AMIGO2: variants seen among roughly 807,000 people sequenced by gnomAD.
The protein encoded by AMIGO2 is adhesion molecule with Ig like domain 2, also known as amphoterin-induced protein 2.
A neutral mutation model predicts 23.7 loss-of-function variants in AMIGO2; 15 were observed. The ratio of observed to expected loss-of-function variants is 0.63; its 90% CI spans 0.42 to 0.98. The LOEUF is 0.98. Among genes scored for constraint, AMIGO2 ranks in the 50% least tolerant of loss-of-function variants. The pLI is 0.00. For synonymous variants in AMIGO2, 264 were observed against 252.3 expected (o/e 1.05, Z -0.44); for missense variants, 561 against 633.1 (o/e 0.89, Z 1.22).
intron 2 of AMIGO2, 26 bp downstream of exon 2, chr12:47,079,116 C>T: frequency 2.1e-6 from 3 of 1,435,818 alleles, no homozygotes; most frequent in Admixed American, 2.4e-5. Context: ...AACTGACTAC[C>T]ACTAGTTAAC....
In AMIGO2 at chr12:47,077,638, A is replaced by G. The variant is rs775568966; in HGVS notation, c.1365T>C (p.Ala455=). 6 of 1,614,068 alleles carry G rather than the reference A, an allele frequency of 3.7e-6. No individual in the cohort carries two copies. ...TACCTGCACCTGCCTTCCGTTCATCAGCGGAGGCATCACTAGCGGGGCCAG... is the reference window on the plus strand; with the variant it reads ...TACCTGCACCTGCCTTCCGTTCATCGGCGGAGGCATCACTAGCGGGGCCAG... ...LSPGPASDAS[A]DERKAGAGKR... is the part of the protein sequence containing the mutation. Residue 455 remains alanine, a synonymous_variant, in exon 3 of 3, where the codon GCT becomes GCC. Transcript: ENST00000550413.
chr12:47,077,824 A>G lies in AMIGO2; in HGVS notation c.1179T>C (p.His393=). 1.2e-6 allele frequency: 2 copies of G among 1,614,226 alleles called. No homozygotes were observed. Among genetic ancestry groups the G allele is most frequent in the South Asian group, 1.1e-5 (1 of 91,076 alleles). The change falls in exon 3 of 3, where the codon CAT becomes CAC. Residue 393 remains histidine (H), a synonymous_variant. Transcript: ENST00000550413. ...SNFTVSRSHA[H]EAFNTAFTTL... is the part of the protein sequence containing the mutation. ...TGGTAAAAGCTGTGTTAAATGCCTC[A>G]TGAGCATGGGATCTGCTTACAGTGA...
In AMIGO2 at chr12:47,077,194, G is replaced by A. The variant is rs748664494; in HGVS notation, c.*240C>T. On this transcript the variant is annotated 3_prime_UTR_variant, in exon 3 of 3. Transcript: ENST00000550413. Reference sequence around the variant, plus strand: ...GGCCTACTCTGAAATTACCAATAGTGCTAAAAGCTAAGATATTGTGATCTA... The same window carrying A: ...GGCCTACTCTGAAATTACCAATAGTACTAAAAGCTAAGATATTGTGATCTA... 7 of 509,744 alleles carry A rather than the reference G, an allele frequency of 1.4e-5. No individual in the cohort carries two copies. Among genetic ancestry groups the A allele is most frequent in the Non-Finnish European group, 2.4e-5 (7 of 295,722 alleles). The allele number at this position is 509,744 out of a possible 1,614,324, so 31.6% of individuals were successfully genotyped here. A position where few individuals can be genotyped will look rare whatever the true frequency, so the allele number is the denominator to read the frequency against.
Position 47,078,189 on chromosome 12 carries a change from C to T in AMIGO2, c.814G>A (p.Val272Ile). The T allele has an allele frequency of 6.2e-7, 1 of 1,614,178 alleles. No individual in the cohort carries two copies. Among genetic ancestry groups the T allele is most frequent in the Non-Finnish European group, 8.5e-7 (1 of 1,180,044 alleles). Residue 272 changes from valine (V) to isoleucine (I), a missense_variant, in exon 3 of 3, where the codon GTA (valine) becomes ATA (isoleucine). Transcript: ENST00000550413. The stretch of plus-strand genomic sequence containing the variant: ...ATAAAGCTATCCTGGAGCAGAAGTA[C>T]CTGACGCGAGTGCCTGGAGTCAGAC... The part of the protein sequence containing the change: ...LWSDSRHSRQ[V>I]LLLQDSFMNC...
At position 47,077,297 on chromosome 12, in the gene AMIGO2, A is replaced by T; in HGVS notation, c.*137T>A. Reference sequence around the variant, plus strand: ...GAAGTACTTTACCTCATTTCCTACCAATCATTTTAAGAGAATTTGGTTGTA... The same window carrying T: ...GAAGTACTTTACCTCATTTCCTACCTATCATTTTAAGAGAATTTGGTTGTA... On this transcript the variant is annotated 3_prime_UTR_variant, in exon 3 of 3. Coordinates refer to ENST00000550413, the MANE Select transcript of AMIGO2 (RefSeq NM_001370299.1). 8.1e-7 allele frequency: 1 copy of T among 1,238,348 alleles called. No individual in the cohort carries two copies. Among genetic ancestry groups the T allele is most frequent in the Non-Finnish European group, 1.1e-6 (1 of 918,552 alleles). The allele number at this position is 1,238,348 out of a possible 1,614,324, so 76.7% of individuals were successfully genotyped here.
chr12:47,079,341 C>CGTTGTTGTT (rs140523365), intron 1 of AMIGO2, 93 bp from the exon 2 acceptor site: 1 of 201,980 alleles, frequency 5.0e-6, no homozygotes, highest in Non-Finnish European at 9.8e-6. Context: ...GTGCATCCTG[C>CGTTGTTGTT]GTTGTTGTTG....
rs1160761348 is a variant in AMIGO2, at chr12:47,078,303, A to C, written c.700T>G (p.Cys234Gly). The C allele has an allele frequency of 6.2e-7, 1 of 1,614,066 alleles. No homozygotes were observed. Among genetic ancestry groups the C allele is most frequent in the Admixed American group, 1.7e-5 (1 of 60,034 alleles). Reference sequence around the variant, plus strand: ...AAGACCAGCAAGGAGTACAGGGAACAGTCACAGACAAATGGGTTTCCATGA... The same window carrying C: ...AAGACCAGCAAGGAGTACAGGGAACCGTCACAGACAAATGGGTTTCCATGA... The part of the protein sequence containing the change: ...YLHGNPFVCD[C>G]SLYSLLVFWY... Residue 234 changes from cysteine (C) to glycine (G), a missense_variant, in exon 3 of 3, where the codon TGT (cysteine) becomes GGT (glycine). Cys to Gly is a radical substitution (Grantham distance 159). Transcript: ENST00000550413.
At position 47,077,623 on chromosome 12, in the gene AMIGO2, T is replaced by C. The variant is rs201102042; in HGVS notation, c.1380A>G (p.Ala460=). Residue 460 remains alanine (A), a synonymous_variant, in exon 3 of 3, where the codon GCA becomes GCG. Coordinates refer to ENST00000550413, the MANE Select transcript of AMIGO2 (RefSeq NM_001370299.1). ...AAAACACCACTCTTTTACCTGCACC[T>C]GCCTTCCGTTCATCAGCGGAGGCAT... ...ASDASADERK[A]GAGKRVVFLE... is the part of the protein sequence containing the mutation. 2.3e-4 allele frequency: 371 copies of C among 1,614,250 alleles called. No homozygotes were observed. The highest frequency in any genetic ancestry group is 2.9e-4 in the Non-Finnish European group (341 of 1,180,036).
chr12:47,077,836 T>A lies in AMIGO2; in HGVS notation c.1167A>T (p.Arg389Ser), dbSNP rs1319052887. ...TGTTAAATGCCTCATGAGCATGGGA[T>A]CTGCTTACAGTGAAATTGCTCACAT... is the stretch of plus-strand genomic sequence containing the variant. The part of the protein sequence containing the change: ...TINVSNFTVS[R>S]SHAHEAFNTA... Residue 389 changes from arginine (R) to serine (S), a missense_variant, in exon 3 of 3, where the codon AGA becomes AGT. Transcript: ENST00000550413. 6.2e-7 allele frequency: 1 copy of A among 1,614,218 alleles called. No homozygotes were observed. The highest frequency in any genetic ancestry group is 2.2e-5 in the East Asian group (1 of 44,894).
At chr12:47,076,393 T>C (rs906822468), downstream of AMIGO2, 2 of 150,724 alleles carry the variant, frequency 1.3e-5, no homozygotes, top group African/African-American at 4.9e-5. Context: ...TATAAATTGA[T>C]CTAGAACACA....
rs1355916052 is a variant in AMIGO2 at position 47,078,867 on chromosome 12, T to C, written c.136A>G (p.Ile46Val). 2 of 1,614,212 alleles carry C rather than the reference T, an allele frequency of 1.2e-6. No individual in the cohort carries two copies. Among genetic ancestry groups the C allele is most frequent in the East Asian group, 2.2e-5 (1 of 44,880 alleles). ...GASGVCPTAC[I>V]CATDIVSCTN... ...CAGCTGACGATGTCAGTGGCACAGA[T>C]GCAAGCGGTGGGGCACACCCCAGAG... The change falls in exon 3 of 3, where the codon ATC (isoleucine) becomes GTC (valine). Residue 46 changes from isoleucine (I) to valine (V), a missense_variant. Transcript: ENST00000550413.
rs571261096 is a variant in AMIGO2, at chr12:47,079,454, A to T, written c.-171+8T>A. ...ACTTAGCAACCACCCATCCAGGAAA[A>T]AACTCACGGTGCTGGGGAGCCTCGT... On this transcript the variant is annotated splice_region_variant and intron_variant, in intron 1 of 2. Transcript: ENST00000550413. 6.5e-6 allele frequency: 1 copy of T among 153,870 alleles called. No individual in the cohort carries two copies. Among genetic ancestry groups the T allele is most frequent in the South Asian group, 2.0e-4 (1 of 4,898 alleles). 9.5% of individuals were successfully genotyped at this position (153,870 alleles called of 1,614,324 possible).
Position 47,077,263 on chromosome 12 carries a change from T to G in AMIGO2, c.*171A>C. ...ACAACCCCATCTTTCTATGGCACAT[T>G]GAGGAACTGAAGTACTTTACCTCAT... On this transcript the variant is annotated 3_prime_UTR_variant, in exon 3 of 3. Transcript: ENST00000550413. 1 of 918,988 alleles carries G rather than the reference T, an allele frequency of 1.1e-6. No homozygotes were observed. The highest frequency in any genetic ancestry group is 1.6e-6 in the Non-Finnish European group (1 of 639,018). 56.9% of individuals were successfully genotyped at this position (918,988 alleles called of 1,614,324 possible).
rs755896518 is a variant in AMIGO2, at chr12:47,077,479, T to C, written c.1524A>G (p.Ser508=). The change falls in exon 3 of 3, where the codon TCA becomes TCG. Residue 508 remains serine (S), a synonymous_variant. Transcript: ENST00000550413. ...GTGTGTCAGAAAACACTGAATTGAC[T>C]GAATCTGAGTCAGATTTCCCCCTCG... ...KSTRGKSDSD[S]VNSVFSDTPF... 1 of 1,614,160 alleles carries C rather than the reference T, an allele frequency of 6.2e-7. No homozygotes were observed. Among genetic ancestry groups the C allele is most frequent in the Non-Finnish European group, 8.5e-7 (1 of 1,180,008 alleles).
In AMIGO2 at chr12:47,078,498, T is replaced by C; in HGVS notation, c.505A>G (p.Lys169Glu). The change falls in exon 3 of 3, where the codon AAA (lysine) becomes GAA (glutamate). Residue 169 changes from lysine to glutamate, a missense_variant. By Grantham distance (56) the Lys-to-Glu change is moderately conservative. Coordinates refer to ENST00000550413, the MANE Select transcript of AMIGO2 (RefSeq NM_001370299.1). ...AGAAAATTTCCACTTAAGTAGAGTTTCTGCAACTGGGAGAGCCCTCCAAAC... is the reference window on the plus strand; with the variant it reads ...AGAAAATTTCCACTTAAGTAGAGTTCCTGCAACTGGGAGAGCCCTCCAAAC... ...SAFGGLSQLQ[K>E]LYLSGNFLTQ... is the part of the protein sequence containing the mutation. The C allele has an allele frequency of 6.2e-7, 1 of 1,614,248 alleles. No individual in the cohort carries two copies.
At position 47,078,950 on chromosome 12, in the gene AMIGO2, G is replaced by A. The variant is rs1410187018; in HGVS notation, c.53C>T (p.Pro18Leu). ...CAAACACAGCAGCTCCCTGCAGCCC[G>A]GTCTGACGACGGCTCCAAGCAGGGT... ...LPTLLGAVVRPGCRELLCLLM... is the reference protein window; with the variant it reads ...LPTLLGAVVRLGCRELLCLLM... Residue 18 changes from proline to leucine, a missense_variant, in exon 3 of 3, where the codon CCG becomes CTG. Coordinates refer to ENST00000550413, the MANE Select transcript of AMIGO2 (RefSeq NM_001370299.1). 3 of 1,613,858 alleles carry A rather than the reference G, an allele frequency of 1.9e-6. No individual in the cohort carries two copies. The highest frequency in any genetic ancestry group is 2.5e-6 in the Non-Finnish European group (3 of 1,179,846).
In AMIGO2 at chr12:47,079,234, T is replaced by C. The variant is rs1421103238; in HGVS notation, c.-156A>G. The C allele has an allele frequency of 3.9e-6, 2 of 509,190 alleles. No homozygotes were observed. The highest frequency in any genetic ancestry group is 6.6e-6 in the Non-Finnish European group (2 of 301,450). The allele number at this position is 509,190 out of a possible 1,614,324, so 31.5% of individuals were successfully genotyped here. A position where few individuals can be genotyped will look rare whatever the true frequency, so the allele number is the denominator to read the frequency against. ...TCACTGTTAAATGTATTTTTTCCTC[T>C]TTCCTGGGTTAGTCCTGCTTATAAA... is the stretch of plus-strand genomic sequence containing the variant. On this transcript the variant is annotated 5_prime_UTR_variant, in exon 2 of 3. Coordinates refer to ENST00000550413, the MANE Select transcript of AMIGO2 (RefSeq NM_001370299.1).
Position 47,076,564 on chromosome 12 carries a change from GA to G in AMIGO2, c.*869del, listed in dbSNP as rs1392191694. The G allele has an allele frequency of 1.3e-5, 2 of 152,582 alleles. No individual in the cohort carries two copies. Among genetic ancestry groups the G allele is most frequent in the African/African-American group, 4.8e-5 (2 of 41,432 alleles). 9.5% of individuals were successfully genotyped at this position (152,582 alleles called of 1,614,324 possible). ...AAATAAAACAAAATATCAAGTCACA[GA>G]TTACATATATTTACATTAATTCAAA... is the stretch of plus-strand genomic sequence containing the variant. On this transcript the variant is annotated 3_prime_UTR_variant, in exon 3 of 3. Transcript: ENST00000550413.
chr12:47,077,656 G>C lies in AMIGO2; in HGVS notation c.1347C>G (p.Pro449=). The change falls in exon 3 of 3, where the codon CCC becomes CCG. Residue 449 remains proline, a synonymous_variant. Coordinates refer to ENST00000550413, the MANE Select transcript of AMIGO2 (RefSeq NM_001370299.1). ...NAHSSILSPG[P]ASDASADERK... is the part of the protein sequence containing the mutation. ...GTTCATCAGCGGAGGCATCACTAGCGGGGCCAGGACTGAGAATCGATGAAT... is the reference window on the plus strand; with the variant it reads ...GTTCATCAGCGGAGGCATCACTAGCCGGGCCAGGACTGAGAATCGATGAAT... The C allele has an allele frequency of 1.2e-6, 2 of 1,614,022 alleles. No homozygotes were observed. Among genetic ancestry groups the C allele is most frequent in the Non-Finnish European group, 1.7e-6 (2 of 1,179,998 alleles).
Sources: allele counts gnomAD v4.1 joint callset, GRCh38; gene constraint gnomAD v4.1.1; transcripts MANE v1.5; gene names NCBI Gene and HGNC (gene_info 2026-07-23, HGNC 2026-07-21).